AP2B1: variants seen among roughly 807,000 people sequenced by gnomAD.
AP2B1 encodes the protein adaptor related protein complex 2 subunit beta 1.
A neutral mutation model predicts 102.0 loss-of-function variants in AP2B1; 23 were observed. That is an observed-to-expected ratio of 0.23 (90% CI 0.16 to 0.32). The LOEUF is 0.32. Among genes scored for constraint, AP2B1 ranks in the 10% least tolerant of loss-of-function variants. AP2B1 has a pLI of 1.00. For synonymous variants in AP2B1, 381 were observed against 421.2 expected, an observed-to-expected ratio of 0.90 and a Z score of 1.17; for missense variants, 541 against 1,157.4, an observed-to-expected ratio of 0.47 and a Z score of 7.73.
chr17:35,636,286 G>T, intron 9 of AP2B1, 55 bp from the exon 10 acceptor site: 1 of 1,241,548 alleles, frequency 8.1e-7, no homozygotes, highest in Non-Finnish European at 1.2e-6. Context: ...TTATGTTGAG[G>T]TGGTGTTATC....
chr17:35,657,674 A>G lies in AP2B1; in HGVS notation c.1872A>G (p.Gln624=), dbSNP rs752905171. ...NLEQPQVIPS[Q]GDLLGDLLNL... ...AACAGCCTCAGGTTATCCCCTCTCA[A>G]GGTGATCTTCTAGGGGATCTTTTAA... is the stretch of plus-strand genomic sequence containing the variant. Residue 624 remains glutamine (Q), a synonymous_variant, in exon 14 of 22, where the codon CAA becomes CAG. Coordinates refer to ENST00000610402, the MANE Select transcript of AP2B1 (RefSeq NM_001030006.2). 4 of 1,614,158 alleles carry G rather than the reference A, an allele frequency of 2.5e-6. No homozygotes were observed. The highest frequency in any genetic ancestry group is 2.5e-6 in the Non-Finnish European group (3 of 1,180,012).
intron 18 of AP2B1, among the ~76,000 whole-genome samples, chr17:35,693,551 T>A (rs1392957583): frequency 6.6e-6 from 1 of 152,196 alleles, no homozygotes; most frequent in African/African-American, 2.4e-5. Flanking sequence ...GTTTTATTGT[T>A]CTAATTTTAG....
intron 5 of AP2B1, among the ~76,000 whole-genome samples, chr17:35,617,278 A>T (rs2074051305): frequency 6.6e-6 from 1 of 152,090 alleles, no homozygotes; most frequent in Non-Finnish European, 1.5e-5. Flanking sequence ...CTGGTCTTGA[A>T]TTCCTGACCT....
At chr17:35,651,100 T>A (rs1598176724) in intron 13 of AP2B1, 1 of 265,774 alleles carries the variant, frequency 3.8e-6, no homozygotes, top group East Asian at 8.4e-5. Context: ...TGAAAGTTGC[T>A]TAAGTCTGCA....
chr17:35,712,071 G>A (rs1002373896), intron 20 of AP2B1, among the ~76,000 whole-genome samples: 8 of 152,072 alleles, frequency 5.3e-5, no homozygotes, highest in African/African-American at 1.7e-4. Context: ...TTTGAAGCAT[G>A]GTCTTCTGTA....
intron 9 of AP2B1, among the ~76,000 whole-genome samples, chr17:35,631,377 TAAAC>T (rs953563069): frequency 1.3e-5 from 2 of 152,284 alleles, no homozygotes; most frequent in Middle Eastern, 3.4e-3. Context: ...TAGAACAAGT[TAAAC>T]AAAAAATGGG....
At chr17:35,626,462 G>T (rs1240829530) in intron 6 of AP2B1, among the ~76,000 whole-genome samples, 159 bp from the exon 7 acceptor site, 1 of 152,020 alleles carries the variant, frequency 6.6e-6, no homozygotes, top group East Asian at 1.9e-4. Flanking sequence ...CTTCTGCATT[G>T]TTGGATCCCA....
chr17:35,671,644 T>C (rs2075589410), intron 15 of AP2B1, 110 bp from the exon 16 acceptor site: 1 of 1,048,572 alleles, frequency 9.5e-7, no homozygotes. Context: ...ATTGTAATTA[T>C]GGTGTTTTCT....
intron 13 of AP2B1, among the ~76,000 whole-genome samples, chr17:35,654,334 G>A (rs369743284): frequency 2.9e-4 from 44 of 152,080 alleles, no homozygotes; most frequent in African/African-American, 1.1e-3. Flanking sequence ...AAAGTGCTAG[G>A]ATTACAGGTG....
At chr17:35,685,345 A>G (rs2075909330) in intron 18 of AP2B1, among the ~76,000 whole-genome samples, 1 of 152,204 alleles carries the variant, frequency 6.6e-6, no homozygotes, top group Non-Finnish European at 1.5e-5. Flanking sequence ...TTCAGCTTCC[A>G]TTCTGCCCTT....
intron 5 of AP2B1, chr17:35,621,213 TC>T (rs1484920042): frequency 2.0e-6 from 1 of 510,398 alleles, no homozygotes; most frequent in Non-Finnish European, 2.5e-6. Flanking sequence ...AAGTGAGTTG[TC>T]ATGTACTCTC....
intron 13 of AP2B1, among the ~76,000 whole-genome samples, chr17:35,654,554 G>A (rs866952966): frequency 1.3e-5 from 2 of 151,984 alleles, no homozygotes; most frequent in Admixed American, 6.6e-5. Flanking sequence ...CCCAGACCTC[G>A]TATCTCTTCA....
At chr17:35,694,937 A>G (rs1202020258) in intron 18 of AP2B1, among the ~76,000 whole-genome samples, 1 of 152,164 alleles carries the variant, frequency 6.6e-6, no homozygotes, top group Admixed American at 6.5e-5. Context: ...AGCAAATAAT[A>G]GCTCAAGTTG....
In AP2B1 at chr17:35,657,600, A is replaced by G. The variant is rs2075262088; in HGVS notation, c.1798A>G (p.Thr600Ala). ...CATTTTATGTGTATGTGACTTTAGC[A>G]CTGATGCAGGTGACAGCCCTGTTGG... ...RKHLPIHHGSTDAGDSPVGTT... is the reference protein window; with the variant it reads ...RKHLPIHHGSADAGDSPVGTT... The change falls in exon 14 of 22, where the codon ACT (threonine) becomes GCT (alanine). Residue 600 changes from threonine to alanine, a missense_variant and splice_region_variant. Around this residue, in one of 10 missense-constraint regions of AP2B1, gnomAD observed 39 missense variants for 42.0 expected, o/e 0.93. Coordinates refer to ENST00000610402, the MANE Select transcript of AP2B1 (RefSeq NM_001030006.2). 1 of 1,612,292 alleles carries G rather than the reference A, an allele frequency of 6.2e-7. No homozygotes were observed. The highest frequency in any genetic ancestry group is 8.5e-7 in the Non-Finnish European group (1 of 1,178,786).
intron 3 of AP2B1, chr17:35,600,995 C>T: frequency 1.0e-6 from 1 of 985,278 alleles, no homozygotes; most frequent in Non-Finnish European, 1.2e-6. Context: ...GCACATAAAG[C>T]ACATTTGGTT....
intron 4 of AP2B1, among the ~76,000 whole-genome samples, chr17:35,607,265 C>G (rs2073712558): frequency 6.6e-6 from 1 of 152,042 alleles, no homozygotes; most frequent in Admixed American, 6.6e-5. Flanking sequence ...TTAAAAAAAA[C>G]AGACAGCATT....
At chr17:35,616,889 C>CT (rs1376849418) in intron 5 of AP2B1, among the ~76,000 whole-genome samples, 1 of 152,138 alleles carries the variant, frequency 6.6e-6, no homozygotes, top group Non-Finnish European at 1.5e-5. Flanking sequence ...TCTGCTATTT[C>CT]TTAGACGAGT....
In AP2B1 at chr17:35,636,451, C is replaced by G. The variant is rs749611432; in HGVS notation, c.1266C>G (p.Pro422=). 1 of 1,610,990 alleles carries G rather than the reference C, an allele frequency of 6.2e-7. No individual in the cohort carries two copies. Among genetic ancestry groups the G allele is most frequent in the Non-Finnish European group, 8.5e-7 (1 of 1,177,262 alleles). ...VVIRDIFRKY[P]NKYESIIATL... ...TCAGGGACATCTTCCGCAAATACCC[C>G]AACAAGTATGTCCAAATACCTTTAC... The change falls in exon 10 of 22, where the codon CCC becomes CCG. Residue 422 remains proline, a synonymous_variant. Transcript: ENST00000610402.
At chr17:35,616,225 C>A (rs1250186217) in intron 5 of AP2B1, among the ~76,000 whole-genome samples, 1 of 131,684 alleles carries the variant, frequency 7.6e-6, no homozygotes, top group Non-Finnish European at 1.5e-5. Flanking sequence ...AGTGCAGTGG[C>A]GCGATCTCGG....
Sources: gnomAD v4.1 joint callset for allele counts (sites outside exome capture counted in the v4.1 genomes callset) on GRCh38, gnomAD v4.1.1 for gene constraint, gnomAD v4.1.1 regional missense constraint, MANE v1.5 for transcripts, NCBI Gene and HGNC (gene_info 2026-07-23, HGNC 2026-07-21) for gene names.